Variants in PPP3CA observed in about 807,000 individuals in gnomAD.
PPP3CA encodes protein phosphatase 3 catalytic subunit alpha.
Under a neutral mutation model 66.5 loss-of-function variants are expected in PPP3CA, and 14 were observed. The ratio of observed to expected loss-of-function variants is 0.21; its 90% CI spans 0.14 to 0.33. The LOEUF is 0.33. Ranked by LOEUF, PPP3CA falls within the 10% of genes least tolerant of loss-of-function variation. PPP3CA has a pLI of 1.00. For missense variants in PPP3CA, 317 were observed against 639.5 expected (o/e 0.50, Z 5.44); for synonymous variants, 232 against 226.2 (o/e 1.03, Z -0.23).
At chr4:101,237,650 T>C (rs1726170069) in intron 1 of PPP3CA, among the ~76,000 whole-genome samples, 1 of 152,040 alleles carries the variant, frequency 6.6e-6, no homozygotes, top group East Asian at 1.9e-4. Flanking sequence ...TTTTGAACAA[T>C]ATATCTTCAT....
intron 1 of PPP3CA, among the ~76,000 whole-genome samples, chr4:101,234,111 G>A (rs975282095): frequency 6.6e-6 from 1 of 151,714 alleles, no homozygotes; most frequent in Non-Finnish European, 1.5e-5. Context: ...ATTCCATGGC[G>A]TATATGTACA....
chr4:101,062,528 C>T (rs1217146456), intron 9 of PPP3CA, among the ~76,000 whole-genome samples: 11 of 151,876 alleles, frequency 7.2e-5, no homozygotes, highest in Non-Finnish European at 1.3e-4. Context: ...AGAATCAATC[C>T]GTGTATCACT....
At chr4:101,305,626 C>T (rs561784010) in intron 1 of PPP3CA, among the ~76,000 whole-genome samples, 49 of 152,038 alleles carry the variant, frequency 3.2e-4, no homozygotes, top group Non-Finnish European at 6.2e-4. Flanking sequence ...TGACTATCAC[C>T]ATTTTTTATA....
At chr4:101,346,071 C>G (rs994798111) in intron 1 of PPP3CA, among the ~76,000 whole-genome samples, 4 of 152,012 alleles carry the variant, frequency 2.6e-5, no homozygotes, top group Non-Finnish European at 5.9e-5. Context: ...TCCCGCGCCC[C>G]CCGCGGCCAC....
At chr4:101,286,715 T>C (rs1442298338) in intron 1 of PPP3CA, among the ~76,000 whole-genome samples, 1 of 152,176 alleles carries the variant, frequency 6.6e-6, no homozygotes, top group Non-Finnish European at 1.5e-5. Flanking sequence ...CCAAAACTGG[T>C]AGTTTACACA....
chr4:101,324,772 A>G (rs1362362303), intron 1 of PPP3CA, among the ~76,000 whole-genome samples: 1 of 152,142 alleles, frequency 6.6e-6, no homozygotes, highest in East Asian at 1.9e-4. Flanking sequence ...GAAGAAGTTC[A>G]GTCTTGCAAA....
intron 10 of PPP3CA, among the ~76,000 whole-genome samples, chr4:101,057,444 A>G (rs1352183904): frequency 6.6e-6 from 1 of 152,208 alleles, no homozygotes. Context: ...AAAAGGTCAC[A>G]TTTAGAAGTC....
At chr4:101,106,467 A>AGAGAAGAGAAGAGAAGAGAAAAG in intron 3 of PPP3CA, among the ~76,000 whole-genome samples, 1 of 49,952 alleles carries the variant, frequency 2.0e-5, no homozygotes, top group South Asian at 8.1e-4. Flanking sequence ...AAAGAAAAGA[A>AGAGAAGAGAAGAGAAGAGAAAAG]AAGAAAAGAA....
chr4:101,078,744 G>T (rs1283953822), intron 8 of PPP3CA, among the ~76,000 whole-genome samples: 1 of 152,054 alleles, frequency 6.6e-6, no homozygotes, highest in African/African-American at 2.4e-5. Context: ...AGGTGCTTGT[G>T]ACCCAATTTT....
intron 12 of PPP3CA, among the ~76,000 whole-genome samples, 179 bp from the exon 13 acceptor site, chr4:101,029,374 A>AG (rs1726831284): frequency 1.1e-5 from 1 of 92,236 alleles, no homozygotes; most frequent in African/African-American, 3.5e-5. Context: ...AAAAAAAAAG[A>AG]AAAAAAATGC....
chr4:101,200,864 C>T, intron 1 of PPP3CA, among the ~76,000 whole-genome samples: 1 of 152,132 alleles, frequency 6.6e-6, no homozygotes, highest in East Asian at 1.9e-4. Context: ...GCCAAACTAA[C>T]ACTAAGGTCT....
intron 1 of PPP3CA, among the ~76,000 whole-genome samples, chr4:101,246,266 G>A (rs1726476533): frequency 6.6e-6 from 1 of 152,152 alleles, no homozygotes; most frequent in Non-Finnish European, 1.5e-5. Context: ...TGCCCATATA[G>A]AGTGAGATAT....
At chr4:101,106,370 GAGAAAAGAAAGAA>G (rs1306736881) in intron 3 of PPP3CA, among the ~76,000 whole-genome samples, 5 of 19,142 alleles carry the variant, frequency 2.6e-4, no homozygotes, top group South Asian at 1.5e-3. Context: ...ATTTAAAAGA[GAGAAAAGAAAGAA>G]AGAAAGAAAG....
intron 1 of PPP3CA, among the ~76,000 whole-genome samples, chr4:101,299,106 GTTTTTTTTTTTT>G (rs556244769): frequency 3.5e-5 from 3 of 85,552 alleles, no homozygotes; most frequent in Non-Finnish European, 6.5e-5. Context: ...GCCATATATC[GTTTTTTTTTTTT>G]TTTTTTTTTT....
At chr4:101,228,517 T>C (rs1035678528) in intron 1 of PPP3CA, among the ~76,000 whole-genome samples, 1 of 151,728 alleles carries the variant, frequency 6.6e-6, no homozygotes, top group Non-Finnish European at 1.5e-5. Flanking sequence ...TTACATTTTC[T>C]TTTTTCAAAT....
chr4:101,204,635 CA>C (rs55925064), intron 1 of PPP3CA, among the ~76,000 whole-genome samples: 274 of 107,794 alleles, frequency 2.5e-3, no homozygotes, highest in African/African-American at 8.1e-3. Flanking sequence ...GACTCCATCT[CA>C]AAAAAAAAAA....
chr4:101,179,979 C>A (rs1049782991), intron 2 of PPP3CA, among the ~76,000 whole-genome samples: 2 of 152,026 alleles, frequency 1.3e-5, no homozygotes, highest in Admixed American at 1.3e-4. Context: ...ACTGTTAGTG[C>A]AGATAGTTAT....
intron 1 of PPP3CA, among the ~76,000 whole-genome samples, chr4:101,236,199 G>C (rs1342294644): frequency 2.6e-5 from 4 of 151,916 alleles, no homozygotes; most frequent in Non-Finnish European, 4.4e-5. Context: ...AGTAAAAAGG[G>C]AAACAAACTT....
At chr4:101,127,139 T>C (rs1722269435) in intron 2 of PPP3CA, among the ~76,000 whole-genome samples, 3 of 152,084 alleles carry the variant, frequency 2.0e-5, no homozygotes, top group Non-Finnish European at 2.9e-5. Flanking sequence ...GCCTATTCAC[T>C]AGTTAAATGT....
Sources: allele counts gnomAD v4.1 joint callset (sites outside exome capture counted in the v4.1 genomes callset), GRCh38; gene constraint gnomAD v4.1.1; transcripts MANE v1.5; gene names NCBI Gene and HGNC (gene_info 2026-07-23, HGNC 2026-07-21).